Variants in ZNF683 observed in about 807,000 individuals in gnomAD.
ZNF683 encodes zinc finger protein 683.
A neutral mutation model predicts 31.4 loss-of-function variants in ZNF683; 20 were observed. That is an observed-to-expected ratio of 0.64 (90% confidence interval 0.45 to 0.93). The LOEUF is 0.93. Ranked by LOEUF, ZNF683 falls within the 40% of genes least tolerant of loss-of-function variation. ZNF683 has a pLI of 0.00. For synonymous variants in ZNF683, 264 were observed against 267.6 expected (o/e 0.99, Z 0.13); for missense variants, 621 against 637.2 (o/e 0.97, Z 0.27).
Position 26,361,733 on chromosome 1 carries a change from G to C in ZNF683, c.1433C>G (p.Ser478Trp), listed in dbSNP as rs561504302. 2 of 1,614,034 alleles carry C rather than the reference G, an allele frequency of 1.2e-6. No individual in the cohort carries two copies. The highest frequency in any genetic ancestry group is 2.2e-5 in the East Asian group (1 of 44,882). The change falls in exon 6 of 6, where the codon TCG (serine) becomes TGG (tryptophan). Residue 478 changes from serine to tryptophan, a missense_variant. Coordinates refer to ENST00000349618, the MANE Select transcript of ZNF683 (RefSeq NM_001114759.3). The part of the protein sequence containing the change: ...GYDIDEVKVS[S>W]TSQGKARAVS... ...TGCTCTTGCTTTCCCCTGGGATGTCGAGGACACTTTGACCTCATCTATGTC... is the reference window on the plus strand; with the variant it reads ...TGCTCTTGCTTTCCCCTGGGATGTCCAGGACACTTTGACCTCATCTATGTC...
intron 3 of ZNF683, 100 bp downstream of exon 3, chr1:26,367,493 T>A (rs2074550733): frequency 2.4e-6 from 3 of 1,254,200 alleles, no homozygotes; most frequent in Admixed American, 2.9e-5. Flanking sequence ...TCTTCATCAG[T>A]GACACTGCGT....
At position 26,361,682 on chromosome 1, in the gene ZNF683, G is replaced by A. The variant is rs145631131; in HGVS notation, c.1484C>T (p.Pro495Leu). The A allele has an allele frequency of 1.1e-4, 178 of 1,613,572 alleles. No individual in the cohort carries two copies. The African/African-American group carries it at 1.5e-3, about 14-fold the overall frequency. ...RAVSLSSAGT[P>L]LVMGQDQNN is the part of the protein sequence containing the mutation. ...GTTCTGGTCCTGCCCCATCACCAGG[G>A]GAGTCCCGGCACTGCTCAGGCTCAC... Residue 495 changes from proline to leucine, a missense_variant, in exon 6 of 6, where the codon CCC becomes CTC. Physicochemically the swap from Pro to Leu is moderately conservative, Grantham distance 98 (BLOSUM62 -3). Transcript: ENST00000349618.
chr1:26,368,224 C>T, intron 2 of ZNF683, among the ~76,000 whole-genome samples: 1 of 152,362 alleles, frequency 6.6e-6, no homozygotes, highest in East Asian at 1.9e-4. Context: ...AGCAGCCAAG[C>T]CTACTGCACG....
intron 3 of ZNF683, among the ~76,000 whole-genome samples, chr1:26,366,342 C>CAAAAAAAAAAAA (rs1173737722): frequency 1.4e-5 from 1 of 68,980 alleles, no homozygotes; most frequent in African/African-American, 4.7e-5. Context: ...CAGCCTATCT[C>CAAAAAAAAAAAA]AAAAAAAAAA....
At chr1:26,363,914 C>T (rs1453714843) in intron 4 of ZNF683, among the ~76,000 whole-genome samples, 2 of 152,192 alleles carry the variant, frequency 1.3e-5, no homozygotes, top group African/African-American at 4.8e-5. Flanking sequence ...CTCCCCATAA[C>T]CACAATGTGC....
At position 26,365,154 on chromosome 1, in the gene ZNF683, T is replaced by C. The variant is rs200107113; in HGVS notation, c.392A>G (p.Lys131Arg). The change falls in exon 4 of 6, where the codon AAG becomes AGG. Residue 131 changes from lysine to arginine, a missense_variant. Lys to Arg is a conservative substitution (Grantham distance 26, BLOSUM62 2). Coordinates refer to ENST00000349618, the MANE Select transcript of ZNF683 (RefSeq NM_001114759.3). ...KKFTVKYPQN[K>R]DKLGKQPERA... ...TTCTGGCTGTTTTCCCAGCTTGTCC[T>C]TGTTCTGTGGGTACTTGACTGTGAA... 36 of 1,610,400 alleles carry C rather than the reference T, an allele frequency of 2.2e-5. 1 individual carries two copies. The Middle Eastern group carries it at 5.0e-4, about 22-fold the overall frequency.
chr1:26,372,076 T>C (rs1466894985), intron 1 of ZNF683, among the ~76,000 whole-genome samples: 9 of 152,154 alleles, frequency 5.9e-5, no homozygotes, highest in Admixed American at 5.9e-4. Flanking sequence ...TTACACAAAT[T>C]CTGGTGTGCG....
In ZNF683 at chr1:26,363,770, G is replaced by A. The variant is rs148756110; in HGVS notation, c.1015-616C>T. ...AAAAAAAAAAAAAGATAACTCTGGG[G>A]CTGGGAGCTACTCTGGAGGCTGAGG... is the stretch of plus-strand genomic sequence containing the variant. On this transcript the variant is annotated intron_variant, in intron 4 of 5. Transcript: ENST00000349618. Among the ~76,000 whole-genome samples the A allele has an allele frequency of 7.7e-3, 1,175 of 151,720 alleles. 15 individuals carry two copies. Among genetic ancestry groups the A allele is most frequent in the African/African-American group, 0.027 (1,119 of 41,348 alleles).
upstream of ZNF683, chr1:26,374,409 C>T: frequency 8.1e-7 from 1 of 1,236,658 alleles, no homozygotes; most frequent in Admixed American, 2.4e-5. Context: ...TCCAGGTCTC[C>T]AATCCTGAAA....
rs1014537821 is a variant in ZNF683, at chr1:26,364,781, G to A, written c.765C>T (p.Pro255=). The change falls in exon 4 of 6, where the codon CCC becomes CCT. Residue 255 remains proline (P), a synonymous_variant. Transcript: ENST00000349618. Reference sequence around the variant, plus strand: ...CAGAGGCTTGGAAGGCCCCTGGGTAGGGAAGCAGGGTCTCCCACCGAGCGC... The same window carrying A: ...CAGAGGCTTGGAAGGCCCCTGGGTAAGGAAGCAGGGTCTCCCACCGAGCGC... ...HPSARWETLL[P]YPGAFQASGQ... 2 of 1,604,406 alleles carry A rather than the reference G, an allele frequency of 1.2e-6. No individual in the cohort carries two copies. Among genetic ancestry groups the A allele is most frequent in the Non-Finnish European group, 8.5e-7 (1 of 1,175,546 alleles).
Position 26,364,733 on chromosome 1 carries a change from G to T in ZNF683, c.813C>A (p.Ala271=). ...GGGCAGCTCCAGCACCTGGATTTCG[G>T]GCCTGGGAAGGCAGAGCTTGGCCAG... The part of the protein sequence containing the change: ...QASGQALPSQ[A]RNPGAGAAPT... Residue 271 remains alanine (A), a synonymous_variant, in exon 4 of 6, where the codon GCC becomes GCA. Transcript: ENST00000349618. The T allele has an allele frequency of 1.2e-6, 2 of 1,613,822 alleles. No homozygotes were observed. Among genetic ancestry groups the T allele is most frequent in the South Asian group, 2.2e-5 (2 of 91,070 alleles).
intron 1 of ZNF683, among the ~76,000 whole-genome samples, chr1:26,370,360 G>T (rs942264451): frequency 6.6e-6 from 1 of 152,134 alleles, no homozygotes; most frequent in Non-Finnish European, 1.5e-5. Context: ...CCCCTGACTG[G>T]CCTGACAGAG....
intron 1 of ZNF683, 94 bp downstream of exon 1, chr1:26,372,575 A>G: frequency 6.1e-6 from 8 of 1,304,964 alleles, no homozygotes; most frequent in Non-Finnish European, 8.1e-6. Flanking sequence ...TCCTGGCATC[A>G]CACTCTGCTC....
Position 26,364,874 on chromosome 1 carries a change from T to C in ZNF683, c.672A>G (p.Gln224=), listed in dbSNP as rs1051586597. The C allele has an allele frequency of 1.3e-6, 2 of 1,550,586 alleles. No individual in the cohort carries two copies. Among genetic ancestry groups the C allele is most frequent in the African/African-American group, 2.7e-5 (2 of 73,072 alleles). ...TAGCCATGGTGGGGTAGGAGGGGTC[T>C]TGGGGCAGCATGAGGAGGTGGGGAC... ...DQCPHLLMLP[Q]DPSYPTMAMP... is the part of the protein sequence containing the mutation. The change falls in exon 4 of 6, where the codon CAA becomes CAG. Residue 224 remains glutamine (Q), a synonymous_variant. Transcript: ENST00000349618.
chr1:26,362,956 C>T (rs1288333193), intron 5 of ZNF683, 70 bp downstream of exon 5: 2 of 1,512,066 alleles, frequency 1.3e-6, no homozygotes, highest in African/African-American at 1.4e-5. Flanking sequence ...GCTGCAGGTG[C>T]CAGCCCTCCA....
At chr1:26,374,481 C>T, upstream of ZNF683, 1 of 1,135,344 alleles carries the variant, frequency 8.8e-7, no homozygotes, top group Non-Finnish European at 1.1e-6. Flanking sequence ...CCCTCAGGTT[C>T]CCACGTGGAG....
At chr1:26,366,342 C>CAAAAAAAAAAAAAAAAAAA (rs1173737722) in intron 3 of ZNF683, among the ~76,000 whole-genome samples, 17 of 69,000 alleles carry the variant, frequency 2.5e-4, no homozygotes, top group African/African-American at 7.5e-4. Context: ...CAGCCTATCT[C>CAAAAAAAAAAAAAAAAAAA]AAAAAAAAAA....
intron 2 of ZNF683, among the ~76,000 whole-genome samples, chr1:26,368,205 C>G (rs2074576720): frequency 6.6e-6 from 1 of 152,258 alleles, no homozygotes; most frequent in African/African-American, 2.4e-5. Flanking sequence ...GGCCCAAGGC[C>G]ATGGTCATAG....
chr1:26,366,010 G>A (rs1391231492), intron 3 of ZNF683, among the ~76,000 whole-genome samples: 1 of 151,896 alleles, frequency 6.6e-6, no homozygotes, highest in African/African-American at 2.4e-5. Context: ...GAGAAACCCC[G>A]TCTCTACTAA....
Sources: gnomAD v4.1 joint callset for allele counts (sites outside exome capture counted in the v4.1 genomes callset) on GRCh38, gnomAD v4.1.1 for gene constraint, MANE v1.5 for transcripts, NCBI Gene and HGNC (gene_info 2026-07-23, HGNC 2026-07-21) for gene names.